Variants in CNTN5 observed in about 807,000 individuals in gnomAD.
The protein encoded by CNTN5 is contactin 5, also known as contactin-5.
Under a neutral mutation model 129.1 loss-of-function variants are expected in CNTN5, and 77 were observed. The observed-to-expected ratio is 0.60, with a 90% CI of 0.50 to 0.72. CNTN5 has a LOEUF of 0.72. CNTN5 is among the 30% of genes least tolerant of loss of function. The pLI is 0.00. For missense variants in CNTN5, 1,478 were observed against 1,328.8 expected (o/e 1.11, Z -1.75); for synonymous variants, 509 against 465.6 (o/e 1.09, Z -1.20).
At chr11:99,487,312 A>T (rs1386163363) in intron 2 of CNTN5, among the ~76,000 whole-genome samples, 1 of 152,240 alleles carries the variant, frequency 6.6e-6, no homozygotes, top group Non-Finnish European at 1.5e-5. Context: ...AATTTATTCA[A>T]CAAAGGAAAC....
chr11:99,574,965 TG>T (rs1432218039), intron 3 of CNTN5, among the ~76,000 whole-genome samples: 1 of 152,154 alleles, frequency 6.6e-6, no homozygotes, highest in Non-Finnish European at 1.5e-5. Context: ...GGAAATAGAC[TG>T]GAAATAGGAG....
At chr11:99,779,451 T>A (rs1945238202) in intron 3 of CNTN5, among the ~76,000 whole-genome samples, 1 of 151,996 alleles carries the variant, frequency 6.6e-6, no homozygotes, top group African/African-American at 2.4e-5. Flanking sequence ...CATTCTTTGA[T>A]TACATTTACT....
chr11:99,085,879 T>C (rs539566278), intron 1 of CNTN5, among the ~76,000 whole-genome samples: 1 of 152,268 alleles, frequency 6.6e-6, no homozygotes, highest in East Asian at 1.9e-4. Flanking sequence ...TTGCACAATG[T>C]ATTACCTTTT....
intron 3 of CNTN5, among the ~76,000 whole-genome samples, chr11:99,764,244 A>G (rs529586395): frequency 1.1e-3 from 172 of 152,162 alleles, no homozygotes; most frequent in Non-Finnish European, 1.5e-3. Flanking sequence ...TTTGATGAGT[A>G]GGACAAGGCT....
At position 99,312,379 on chromosome 11, in the gene CNTN5, G is replaced by A. The variant is rs1004249030; in HGVS notation, c.-209-12967G>A. Reference sequence around the variant, plus strand: ...AATTATATATCCTGTATGAGCCTTCGATTCTTTATGTGTTAAAAAAATAAT... The same window carrying A: ...AATTATATATCCTGTATGAGCCTTCAATTCTTTATGTGTTAAAAAAATAAT... On this transcript the variant is annotated intron_variant, in intron 1 of 24. Coordinates refer to ENST00000524871, the MANE Select transcript of CNTN5 (RefSeq NM_014361.4). Among the ~76,000 whole-genome samples, 5 of 151,990 alleles carry A rather than the reference G, an allele frequency of 3.3e-5. No individual in the cohort carries two copies. The East Asian group carries it at 9.6e-4, about 29-fold the overall frequency.
At chr11:99,440,224 G>T (rs1181367121) in intron 2 of CNTN5, among the ~76,000 whole-genome samples, 5 of 152,030 alleles carry the variant, frequency 3.3e-5, no homozygotes, top group Non-Finnish European at 5.9e-5. Context: ...AGTGAATTAA[G>T]TTTATTGGGA....
At chr11:99,259,410 G>A (rs943841756) in intron 1 of CNTN5, among the ~76,000 whole-genome samples, 5 of 151,686 alleles carry the variant, frequency 3.3e-5, no homozygotes, top group Non-Finnish European at 5.9e-5. Context: ...TAAAAAGTGA[G>A]ATCATACTAA....
intron 6 of CNTN5, among the ~76,000 whole-genome samples, chr11:99,898,281 T>C (rs1949262568): frequency 6.6e-6 from 1 of 152,062 alleles, no homozygotes; most frequent in Non-Finnish European, 1.5e-5. Flanking sequence ...AAAGGTTGGT[T>C]CTTTGAAAGG....
At chr11:99,045,943 T>C (rs1264361198) in intron 1 of CNTN5, among the ~76,000 whole-genome samples, 1 of 152,144 alleles carries the variant, frequency 6.6e-6, no homozygotes. Context: ...CTGCTGTCAG[T>C]CAAGTTATTA....
intron 2 of CNTN5, among the ~76,000 whole-genome samples, chr11:99,456,662 C>G (rs1944507257): frequency 6.6e-6 from 1 of 151,968 alleles, no homozygotes; most frequent in South Asian, 2.1e-4. Flanking sequence ...ACTATTTGTT[C>G]TTTTAACATT....
intron 7 of CNTN5, among the ~76,000 whole-genome samples, chr11:99,934,551 G>GA (rs1203391829): frequency 6.6e-6 from 1 of 152,000 alleles, no homozygotes; most frequent in Non-Finnish European, 1.5e-5. Context: ...CAAAGAAGTA[G>GA]AAAAAATAGT....
intron 2 of CNTN5, among the ~76,000 whole-genome samples, chr11:99,524,460 C>T (rs1349698416): frequency 6.6e-6 from 1 of 151,970 alleles, no homozygotes; most frequent in Non-Finnish European, 1.5e-5. Flanking sequence ...ATCACCAAAG[C>T]CTTTAGTGGT....
chr11:99,845,412 GC>G, intron 6 of CNTN5, 150 bp downstream of exon 6: 1 of 384,534 alleles, frequency 2.6e-6, no homozygotes, highest in Non-Finnish European at 3.9e-6. Context: ...TCGCTCTGTC[GC>G]CCAGGCTGGA....
At chr11:100,037,495 G>T (rs1030286621) in intron 9 of CNTN5, among the ~76,000 whole-genome samples, 3 of 152,002 alleles carry the variant, frequency 2.0e-5, no homozygotes, top group Non-Finnish European at 4.4e-5. Context: ...AATGAGTTAG[G>T]GAGGATTCCC....
At chr11:100,178,664 CCTT>C (rs1321940795) in intron 13 of CNTN5, among the ~76,000 whole-genome samples, 1 of 152,176 alleles carries the variant, frequency 6.6e-6, no homozygotes, top group Non-Finnish European at 1.5e-5. Flanking sequence ...GATTGTGTTT[CCTT>C]GCTGTTCTGA....
chr11:99,621,237 G>A (rs1285813538), intron 3 of CNTN5, among the ~76,000 whole-genome samples: 1 of 152,094 alleles, frequency 6.6e-6, no homozygotes, highest in Admixed American at 6.6e-5. Context: ...TTAAATTCGA[G>A]TTAACCAGAC....
At chr11:99,065,066 A>AT (rs1187082787) in intron 1 of CNTN5, among the ~76,000 whole-genome samples, 1 of 152,140 alleles carries the variant, frequency 6.6e-6, no homozygotes, top group Non-Finnish European at 1.5e-5. Flanking sequence ...TTTGCTCTTT[A>AT]TAATGAAAAC....
chr11:99,804,216 C>A (rs1036891741), intron 3 of CNTN5, among the ~76,000 whole-genome samples: 1 of 151,828 alleles, frequency 6.6e-6, no homozygotes, highest in East Asian at 1.9e-4. Flanking sequence ...ATGGTAGATA[C>A]ATTTATTTGG....
intron 1 of CNTN5, among the ~76,000 whole-genome samples, chr11:99,050,933 C>G (rs1347382524): frequency 1.3e-5 from 2 of 151,804 alleles, no homozygotes; most frequent in Admixed American, 6.6e-5. Context: ...CATATGTATA[C>G]ATTAATGTCC....
Sources: gnomAD v4.1 joint callset for allele counts (sites outside exome capture counted in the v4.1 genomes callset) on GRCh38, gnomAD v4.1.1 for gene constraint, MANE v1.5 for transcripts, NCBI Gene and HGNC (gene_info 2026-07-23, HGNC 2026-07-21) for gene names.